GNAO1: variants seen among roughly 807,000 people sequenced by gnomAD.
GNAO1 encodes guanine nucleotide-binding protein G(o) subunit alpha.
For synonymous variants in GNAO1, 164 were observed against 180.7 expected, an observed-to-expected ratio of 0.91 and a Z score of 0.74; for missense variants, 166 against 478.7, an observed-to-expected ratio of 0.35 and a Z score of 6.10.
At chr16:56,330,648 G>A (rs1194303843) in intron 4 of GNAO1, among the ~76,000 whole-genome samples, 1 of 152,172 alleles carries the variant, frequency 6.6e-6, no homozygotes, top group African/African-American at 2.4e-5. Context: ...CACCCACTCT[G>A]GAATCGAGGG....
intron 6 of GNAO1, among the ~76,000 whole-genome samples, chr16:56,338,375 C>G (rs2037763342): frequency 6.6e-6 from 1 of 152,224 alleles, no homozygotes; most frequent in African/African-American, 2.4e-5. Flanking sequence ...GATGCGCTTC[C>G]TGGGCCGTGC....
chr16:56,234,315 A>G (rs1407705545), intron 2 of GNAO1, among the ~76,000 whole-genome samples: 2 of 152,248 alleles, frequency 1.3e-5, no homozygotes, highest in African/African-American at 4.8e-5. Context: ...AGCCAGCCTC[A>G]TGGCCTTGGC....
intron 2 of GNAO1, among the ~76,000 whole-genome samples, chr16:56,228,050 G>A (rs1238027121): frequency 6.6e-6 from 1 of 152,148 alleles, no homozygotes; most frequent in Non-Finnish European, 1.5e-5. Context: ...TACCTGAAGA[G>A]GCATAGCAGG....
intron 3 of GNAO1, among the ~76,000 whole-genome samples, chr16:56,279,377 A>G (rs1433370738): frequency 6.6e-6 from 1 of 152,170 alleles, no homozygotes; most frequent in Non-Finnish European, 1.5e-5. Context: ...GCCTCCGTGC[A>G]GAGCAAACAG....
At chr16:56,266,470 A>C (rs2036955064) in intron 2 of GNAO1, among the ~76,000 whole-genome samples, 2 of 152,190 alleles carry the variant, frequency 1.3e-5, no homozygotes, top group Non-Finnish European at 2.9e-5. Context: ...ACTTCTGCCC[A>C]ACCAGTGGTC....
intron 2 of GNAO1, among the ~76,000 whole-genome samples, chr16:56,234,083 C>A (rs2036614999): frequency 6.6e-6 from 1 of 152,194 alleles, no homozygotes; most frequent in South Asian, 2.1e-4. Flanking sequence ...GCAGTGTATT[C>A]ACCCAAACAC....
intron 2 of GNAO1, among the ~76,000 whole-genome samples, chr16:56,215,356 C>T (rs974404219): frequency 6.6e-6 from 1 of 152,216 alleles, no homozygotes; most frequent in Non-Finnish European, 1.5e-5. Context: ...GCACTACTAC[C>T]AGAACAGAAT....
intron 3 of GNAO1, among the ~76,000 whole-genome samples, chr16:56,298,434 TC>T (rs2037309064): frequency 6.6e-6 from 1 of 152,038 alleles, no homozygotes; most frequent in South Asian, 2.1e-4. Flanking sequence ...AGTAACAACT[TC>T]CCCCACACGT....
intron 4 of GNAO1, among the ~76,000 whole-genome samples, chr16:56,332,845 G>C (rs1202945256): frequency 1.3e-5 from 2 of 152,254 alleles, no homozygotes; most frequent in African/African-American, 4.8e-5. Context: ...AGCTGCAGAT[G>C]ACAGCAGAGG....
At chr16:56,265,165 G>A (rs1166174134) in intron 2 of GNAO1, among the ~76,000 whole-genome samples, 2 of 152,228 alleles carry the variant, frequency 1.3e-5, no homozygotes, top group African/African-American at 2.4e-5. Flanking sequence ...TCATTCGTGA[G>A]CAGCCCAAAT....
intron 6 of GNAO1, among the ~76,000 whole-genome samples, chr16:56,348,397 T>G (rs1458008248): frequency 6.6e-6 from 1 of 152,128 alleles, no homozygotes; most frequent in Non-Finnish European, 1.5e-5. Context: ...TGGTGGGAAG[T>G]TGCTCCGTTC....
intron 8 of GNAO1, chr16:56,355,538 T>G (rs2037960215): frequency 1.3e-5 from 2 of 152,392 alleles, no homozygotes; most frequent in South Asian, 4.1e-4. Flanking sequence ...TCCGTCCTGC[T>G]CTTGGCAAAT....
In GNAO1 at chr16:56,351,431, C is replaced by T; in HGVS notation, c.771C>T (p.Asn257=). The T allele has an allele frequency of 6.2e-7, 1 of 1,611,766 alleles. No individual in the cohort carries two copies. Among genetic ancestry groups the T allele is most frequent in the Non-Finnish European group, 8.5e-7 (1 of 1,177,768 alleles). The part of the protein sequence containing the change: ...SLMLFDSICN[N]KFFIDTSIIL... ...TGCTCTTCGACTCCATCTGTAACAA[C>T]AAGTTCTTCATCGATACCTCCATCA... Residue 257 remains asparagine, a synonymous_variant, in exon 7 of 9, where the codon AAC becomes AAT. Coordinates refer to ENST00000262493, the MANE Select transcript of GNAO1 (RefSeq NM_020988.3). This position sits in a 1 kb window ranked among gnomAD's most constrained non-coding sequence, Gnocchi z 6.1.
chr16:56,192,525 C>G, intron 1 of GNAO1, 49 bp from the exon 2 acceptor site: 1 of 1,248,568 alleles, frequency 8.0e-7, no homozygotes, highest in Non-Finnish European at 1.2e-6. Flanking sequence ...CCCCCTGTTC[C>G]CTTAAGCTGA....
chr16:56,218,976 AT>A (rs2036460173), intron 2 of GNAO1, among the ~76,000 whole-genome samples: 1 of 152,158 alleles, frequency 6.6e-6, no homozygotes, highest in African/African-American at 2.4e-5. Context: ...ATTTTTTAAA[AT>A]GTGAAACACA....
intron 2 of GNAO1, among the ~76,000 whole-genome samples, chr16:56,217,908 G>A (rs2036449765): frequency 6.6e-6 from 1 of 152,168 alleles, no homozygotes; most frequent in Admixed American, 6.5e-5. Context: ...AAACATGTAA[G>A]CAAATTAACA....
chr16:56,300,043 G>GCGCGCA (rs1555505527), intron 3 of GNAO1, among the ~76,000 whole-genome samples: 23 of 92,138 alleles, frequency 2.5e-4, no homozygotes, highest in African/African-American at 1.1e-3. Flanking sequence ...GTGTGCGCGC[G>GCGCGCA]CGCGCGCGCA....
chr16:56,316,111 G>A (rs552866275), intron 3 of GNAO1, among the ~76,000 whole-genome samples: 1 of 151,842 alleles, frequency 6.6e-6, no homozygotes, highest in East Asian at 1.9e-4. Flanking sequence ...TCTCCCCGGC[G>A]TGCCCTGCCA....
chr16:56,223,382 C>G (rs988187182), intron 2 of GNAO1, among the ~76,000 whole-genome samples: 3 of 152,200 alleles, frequency 2.0e-5, no homozygotes, highest in Admixed American at 6.5e-5. Context: ...TCTGACTCTT[C>G]CTCCATTGTT....
Sources: gnomAD v4.1 joint callset for allele counts (sites outside exome capture counted in the v4.1 genomes callset) on GRCh38, gnomAD v4.1.1 for gene constraint, Gnocchi (gnomAD v3.1) non-coding constraint, MANE v1.5 for transcripts, NCBI Gene and HGNC (gene_info 2026-07-23, HGNC 2026-07-21) for gene names.